The following CYP2J2 variants were observed in gnomAD, a reference collection of about 807,000 sequenced individuals.
CYP2J2 encodes cytochrome P450 2J2.
In CYP2J2, 41 loss-of-function variants were observed where a neutral mutation model predicts 48.8. The ratio of observed to expected loss-of-function variants is 0.84; its 90% CI spans 0.66 to 1.09. CYP2J2 has a LOEUF of 1.09. Among genes scored for constraint, CYP2J2 ranks in the 50% least tolerant of loss-of-function variants. The pLI is 0.00. For synonymous variants in CYP2J2, 221 were observed against 227.1 expected (o/e 0.97, Z 0.24); for missense variants, 644 against 617.3 (o/e 1.04, Z -0.46).
the CYP2J2 span, among the ~76,000 whole-genome samples, chr1:59,957,696 ACACACAC>A: frequency 2.7e-4 from 41 of 151,320 alleles, no homozygotes; most frequent in African/African-American, 7.8e-4. Context: ...ACACACACAC[ACACACAC>A]CACACACACA....
chr1:59,916,930 A>G (rs554305946), intron 1 of CYP2J2, among the ~76,000 whole-genome samples: 1 of 152,134 alleles, frequency 6.6e-6, no homozygotes, highest in African/African-American at 2.4e-5. Context: ...TGTTTAACCA[A>G]ATGAGAATGC....
chr1:59,941,568 G>T, the CYP2J2 span, among the ~76,000 whole-genome samples: 1 of 152,098 alleles, frequency 6.6e-6, no homozygotes, highest in Non-Finnish European at 1.5e-5. Context: ...TCCCAGGCAG[G>T]TCTTTCAGAA....
chr1:59,953,797 A>C, the CYP2J2 span, among the ~76,000 whole-genome samples: 1 of 152,186 alleles, frequency 6.6e-6, no homozygotes, highest in African/African-American at 2.4e-5. Flanking sequence ...AGTACAGTCC[A>C]AAGGGAAGAG....
the CYP2J2 span, among the ~76,000 whole-genome samples, chr1:59,933,830 G>A: frequency 1.3e-5 from 2 of 152,118 alleles, no homozygotes; most frequent in Non-Finnish European, 2.9e-5. Context: ...CAGATTTAAT[G>A]TCATCCATAT....
intron 1 of CYP2J2, among the ~76,000 whole-genome samples, chr1:59,919,548 C>G (rs546154389): frequency 6.6e-6 from 1 of 151,866 alleles, no homozygotes; most frequent in Admixed American, 6.6e-5. Context: ...TGTATTGTTG[C>G]CTTTACAGTC....
At chr1:59,949,261 C>CT in the CYP2J2 span, among the ~76,000 whole-genome samples, 1 of 152,088 alleles carries the variant, frequency 6.6e-6, no homozygotes, top group African/African-American at 2.4e-5. Context: ...TGTCCTTGAT[C>CT]CTCTTTGTCT....
At chr1:59,901,197 G>GCAGTATGTTCAGGCC in intron 7 of CYP2J2, 94 bp from the exon 8 acceptor site, 2 of 1,374,184 alleles carry the variant, frequency 1.5e-6, no homozygotes, top group Non-Finnish European at 1.0e-6. Context: ...CTTGCCGGGG[G>GCAGTATGTTCAGGCC]CCTGAACATA....
the CYP2J2 span, among the ~76,000 whole-genome samples, chr1:59,935,007 TATATATAC>T: frequency 0.017 from 692 of 40,340 alleles, 5 homozygotes; most frequent in Non-Finnish European, 0.023. Context: ...TATATATATA[TATATATAC>T]ATATATATAT....
chr1:59,895,981 T>A (rs1644265456), intron 8 of CYP2J2, among the ~76,000 whole-genome samples: 1 of 152,208 alleles, frequency 6.6e-6, no homozygotes, highest in African/African-American at 2.4e-5. Flanking sequence ...TTACTATCAT[T>A]ACTTGTTCTG....
chr1:59,917,567 G>A (rs1398166769), intron 1 of CYP2J2, among the ~76,000 whole-genome samples: 1 of 152,232 alleles, frequency 6.6e-6, no homozygotes. Context: ...GAACCTGAGT[G>A]ACAGAGTTTA....
chr1:59,912,510 T>C (rs1644427046), intron 2 of CYP2J2, 199 bp from the exon 3 acceptor site: 1 of 555,888 alleles, frequency 1.8e-6, no homozygotes, highest in Non-Finnish European at 3.2e-6. Context: ...CACTTTAATA[T>C]GCATTTTGTT....
upstream of CYP2J2, among the ~76,000 whole-genome samples, chr1:59,929,960 A>T (rs1033774938): frequency 2.6e-5 from 4 of 151,496 alleles, no homozygotes; most frequent in African/African-American, 9.7e-5. Flanking sequence ...ACACTCAAAT[A>T]CATCATAGTA....
rs201852909 is a variant in CYP2J2 at position 59,926,537 on chromosome 1, C to T, written c.210G>A (p.Leu70=). 2.7e-5 allele frequency: 43 copies of T among 1,613,426 alleles called. No individual in the cohort carries two copies. The highest frequency in any genetic ancestry group is 3.1e-5 in the Non-Finnish European group (37 of 1,179,420). The change falls in exon 1 of 9, where the codon CTG becomes CTA. Residue 70 remains leucine, a splice_region_variant and synonymous_variant. Coordinates refer to ENST00000371204, the MANE Select transcript of CYP2J2 (RefSeq NM_000775.4). Reference sequence around the variant, plus strand: ...GCTAGGCACCTTCTCCCACTCCTACCAGCTGAACCTCCAGGTGCGACTGCT... The same window carrying T: ...GCTAGGCACCTTCTCCCACTCCTACTAGCTGAACCTCCAGGTGCGACTGCT... The part of the protein sequence containing the change: ...DFEQSHLEVQ[L]FVKKYGNLFS...
At chr1:59,958,550 TC>T in the CYP2J2 span, among the ~76,000 whole-genome samples, 7 of 152,078 alleles carry the variant, frequency 4.6e-5, no homozygotes, top group African/African-American at 1.7e-4. Context: ...ACATCCCAGT[TC>T]TCCGGAAGCC....
At chr1:59,905,274 G>A (rs902535295) in intron 6 of CYP2J2, among the ~76,000 whole-genome samples, 3 of 152,138 alleles carry the variant, frequency 2.0e-5, no homozygotes, top group Non-Finnish European at 4.4e-5. Flanking sequence ...GAATGACCAG[G>A]ATTAATATGG....
chr1:59,907,916 A>G lies in CYP2J2; in HGVS notation c.873T>C (p.Asn291=). ...TTTCTTCATGGAAACTTGAAGTAGG[A>G]TTGCCTGTGTGCTAGAAAACACAAT... is the stretch of plus-strand genomic sequence containing the variant. ...YLKEMSKHTG[N]PTSSFHEENL... Residue 291 remains asparagine, a synonymous_variant, in exon 6 of 9, where the codon AAT becomes AAC. Transcript: ENST00000371204. 6.2e-7 allele frequency: 1 copy of G among 1,614,062 alleles called. No homozygotes were observed. Among genetic ancestry groups the G allele is most frequent in the Non-Finnish European group, 8.5e-7 (1 of 1,179,944 alleles).
the CYP2J2 span, among the ~76,000 whole-genome samples, chr1:59,942,397 C>T: frequency 3.3e-5 from 5 of 152,010 alleles, no homozygotes; most frequent in Non-Finnish European, 5.9e-5. Context: ...GATTCTTCTC[C>T]TAAAATGGGA....
chr1:59,930,932 T>C (rs116625031), upstream of CYP2J2, among the ~76,000 whole-genome samples: 632 of 152,292 alleles, frequency 4.1e-3, 8 homozygotes, highest in African/African-American at 0.015. Context: ...CATAAATGCG[T>C]ATTTCTTCTC....
the CYP2J2 span, among the ~76,000 whole-genome samples, chr1:59,964,830 A>C: frequency 6.6e-6 from 1 of 152,266 alleles, no homozygotes; most frequent in African/African-American, 2.4e-5. Context: ...GCAGAGAAAT[A>C]ACATGATCTG....
Sources: allele counts gnomAD v4.1 joint callset (sites outside exome capture counted in the v4.1 genomes callset), GRCh38; gene constraint gnomAD v4.1.1; transcripts MANE v1.5; gene names NCBI Gene and HGNC (gene_info 2026-07-23, HGNC 2026-07-21).